Variants in DNAH12 observed in about 807,000 individuals in gnomAD.
DNAH12 encodes dynein axonemal heavy chain 12.
Under a neutral mutation model 371.5 loss-of-function variants are expected in DNAH12, and 285 were observed. That is an observed-to-expected ratio of 0.77 (90% CI 0.70 to 0.85). The LOEUF (loss-of-function observed/expected upper bound fraction) is 0.85, where lower values mean the gene tolerates loss of function less well. DNAH12 is among the 40% of genes least tolerant of loss of function. The probability of loss-of-function intolerance (pLI) is 0.00; values close to 1 mark genes in which losing one functional copy is unlikely to be tolerated. For missense variants in DNAH12, 3,611 were observed against 3,689.4 expected (o/e 0.98, Z 0.55); for synonymous variants, 1,200 against 1,213.0 (o/e 0.99, Z 0.22).
At chr3:57,445,465 T>C (rs1395834036) in intron 27 of DNAH12, 46 bp from the exon 28 acceptor site, 3 of 1,409,212 alleles carry the variant, frequency 2.1e-6, no homozygotes, top group African/African-American at 1.5e-5. Flanking sequence ...TAAATGAAGC[T>C]GTTTTTAAGC....
At chr3:57,360,778 G>A (rs1373742641) in intron 58 of DNAH12, among the ~76,000 whole-genome samples, 1 of 152,150 alleles carries the variant, frequency 6.6e-6, no homozygotes. Context: ...AGTAATTAGT[G>A]CAATCTCTGT....
chr3:57,523,724 TCAGTTATATTGAGA>T, intron 3 of DNAH12, 65 bp downstream of exon 3: 1 of 1,331,830 alleles, frequency 7.5e-7, no homozygotes, highest in Non-Finnish European at 1.0e-6. Context: ...TTTAAAAACA[TCAGTTATATTGAGA>T]TTGTCTTAAC....
chr3:57,391,867 C>T lies in DNAH12; in HGVS notation c.7305+5G>A, dbSNP rs2153347294. The T allele has an allele frequency of 6.5e-6, 1 of 153,030 alleles. No homozygotes were observed. The highest frequency in any genetic ancestry group is 2.1e-4 in the South Asian group (1 of 4,854). 9.5% of individuals were successfully genotyped at this position (153,030 alleles called of 1,614,324 possible). On this transcript the variant is annotated splice_donor_5th_base_variant and intron_variant, in intron 45 of 73. Transcript: ENST00000495027. Reference sequence around the variant, plus strand: ...CTCCCCCTCCAACCAAGAAAAATTACAAACCTGAAACCAGTCAATGGTACA... The same window carrying T: ...CTCCCCCTCCAACCAAGAAAAATTATAAACCTGAAACCAGTCAATGGTACA...
At chr3:57,480,743 T>C (rs1246247463) in intron 13 of DNAH12, among the ~76,000 whole-genome samples, 1 of 152,182 alleles carries the variant, frequency 6.6e-6, no homozygotes, top group Non-Finnish European at 1.5e-5. Context: ...GTTTCATCCC[T>C]AGGATGCAAG....
intron 18 of DNAH12, 100 bp downstream of exon 18, chr3:57,462,590 G>A (rs1007712152): frequency 1.5e-5 from 21 of 1,363,446 alleles, no homozygotes; most frequent in Admixed American, 8.0e-5. Context: ...ATCACCTCCC[G>A]CGCTATCCAG....
chr3:57,331,790 C>A (rs1228946255), intron 62 of DNAH12, among the ~76,000 whole-genome samples: 1 of 152,014 alleles, frequency 6.6e-6, no homozygotes, highest in Non-Finnish European at 1.5e-5. Flanking sequence ...TTCTATGAGG[C>A]CTTGTCTTCA....
intron 37 of DNAH12, among the ~76,000 whole-genome samples, chr3:57,417,766 T>C (rs1028017022): frequency 1.3e-5 from 2 of 152,178 alleles, no homozygotes; most frequent in African/African-American, 4.8e-5. Flanking sequence ...TGACAGATCT[T>C]GTTATTTAAT....
chr3:57,412,011 T>A (rs9853113), intron 39 of DNAH12, among the ~76,000 whole-genome samples: 83,523 of 151,996 alleles, frequency 0.55, 23,926 homozygotes, highest in African/African-American at 0.72. Flanking sequence ...AGAGCCCAGA[T>A]ATAGACCCAA....
chr3:57,309,677 T>G lies in DNAH12; in HGVS notation c.11074A>C (p.Ile3692Leu). The G allele has an allele frequency of 6.6e-7, 1 of 1,517,244 alleles. No individual in the cohort carries two copies. The highest frequency in any genetic ancestry group is 8.8e-7 in the Non-Finnish European group (1 of 1,135,048). 94.0% of individuals were successfully genotyped at this position (1,517,244 alleles called of 1,614,324 possible). A position where few individuals can be genotyped will look rare whatever the true frequency, so the allele number is the denominator to read the frequency against. Residue 3692 changes from isoleucine to leucine, a missense_variant, in exon 68 of 74, where the codon ATC (isoleucine) becomes CTC (leucine). Coordinates refer to ENST00000495027, the MANE Select transcript of DNAH12 (RefSeq NM_001366028.2). ...AAGCTGAACATTACCTTGTTGAGGA[T>G]ATCTTTGGTAATTTCTAACAGAATC... ...DQILLEITKDILNKLPSDFDI... is the reference protein window; with the variant it reads ...DQILLEITKDLLNKLPSDFDI...
chr3:57,475,906 A>G (rs2066508270), intron 13 of DNAH12, among the ~76,000 whole-genome samples: 1 of 152,234 alleles, frequency 6.6e-6, no homozygotes, highest in African/African-American at 2.4e-5. Flanking sequence ...CATATCTTAT[A>G]ACACCTGGAA....
At chr3:57,526,076 T>A (rs2068636946) in intron 2 of DNAH12, among the ~76,000 whole-genome samples, 1 of 152,084 alleles carries the variant, frequency 6.6e-6, no homozygotes, top group Admixed American at 6.6e-5. Context: ...TTTCTTTTTT[T>A]GTACCCATTA....
intron 19 of DNAH12, among the ~76,000 whole-genome samples, chr3:57,461,155 C>T (rs2066043028): frequency 6.6e-6 from 1 of 152,036 alleles, no homozygotes; most frequent in Non-Finnish European, 1.5e-5. Flanking sequence ...CTACAAGTTA[C>T]AAGAATGCAA....
intron 15 of DNAH12, 124 bp from the exon 16 acceptor site, chr3:57,470,760 G>A: frequency 1.2e-6 from 1 of 842,828 alleles, no homozygotes; most frequent in Non-Finnish European, 1.7e-6. Context: ...AGGCTGGAGT[G>A]CAGTGGCGTG....
rs2061646037 is a variant in DNAH12 at position 57,314,538 on chromosome 3, C to T, written c.10618G>A (p.Gly3540Arg). Residue 3540 changes from glycine (G) to arginine (R), a missense_variant, in exon 66 of 74, where the codon GGA becomes AGA. Around this residue, in one of 3 missense-constraint regions of DNAH12, gnomAD observed 2,266 missense variants for 2,236.9 expected, o/e 1.01. Transcript: ENST00000495027. ...ATGCGCAAGTCAGATTCATTAAATC[C>T]ATATGGAATATTCCAACCAAGAGGA... Reference protein sequence around the residue: ...FGPLGWNIPYGFNESDLRISI... With the variant: ...FGPLGWNIPYRFNESDLRISI... The T allele has an allele frequency of 6.4e-7, 1 of 1,551,036 alleles. No homozygotes were observed. The highest frequency in any genetic ancestry group is 8.7e-7 in the Non-Finnish European group (1 of 1,146,828).
At chr3:57,399,651 A>G (rs920738930) in intron 43 of DNAH12, among the ~76,000 whole-genome samples, 13 of 152,324 alleles carry the variant, frequency 8.5e-5, no homozygotes, top group African/African-American at 2.6e-4. Context: ...ACAGGTTTGA[A>G]CTATGTGAGT....
At position 57,450,250 on chromosome 3, in the gene DNAH12, T is replaced by TAAAAA. The variant is rs58958877; in HGVS notation, c.3786+2588_3786+2592dup. On this transcript the variant is annotated intron_variant, in intron 25 of 73. Transcript: ENST00000495027. ...GTGACAGAGTGAGACTGTCTCAATT[T>TAAAAA]AAAAAAAAAAAAAGGTGGCCCAGTG... 1.6e-3 allele frequency among the ~76,000 whole-genome samples: 160 copies of TAAAAA among 98,598 alleles called. 16 individuals carry two copies. The highest frequency in any genetic ancestry group is 2.0e-3 in the Non-Finnish European group (103 of 51,184). 64.7% of individuals were successfully genotyped at this position (98,598 alleles called of 152,430 possible). A position where few individuals can be genotyped will look rare whatever the true frequency, so the allele number is the denominator to read the frequency against.
intron 69 of DNAH12, among the ~76,000 whole-genome samples, chr3:57,305,638 G>A (rs2061453925): frequency 6.6e-6 from 1 of 152,008 alleles, no homozygotes; most frequent in African/African-American, 2.4e-5. Flanking sequence ...GACTCATTTG[G>A]CGGCAACCCT....
intron 65 of DNAH12, among the ~76,000 whole-genome samples, 167 bp from the exon 66 acceptor site, chr3:57,314,798 T>G (rs2061652554): frequency 1.3e-5 from 2 of 152,202 alleles, no homozygotes; most frequent in Admixed American, 1.3e-4. Flanking sequence ...CTATAAATAG[T>G]ATTCATCTTA....
chr3:57,433,692 T>C lies in DNAH12; in HGVS notation c.4792A>G (p.Ile1598Val), dbSNP rs1353155937. The C allele has an allele frequency of 1.9e-6, 3 of 1,550,924 alleles. No individual in the cohort carries two copies. The highest frequency in any genetic ancestry group is 2.6e-6 in the Non-Finnish European group (3 of 1,146,854). ...TGTCCAAAAAGTTGGCCCATAGTAA[T>C]AGATTTGGGGTTTACAGTTCTATAA... ...VIYRTVNPKSITMGQLFGQFD... is the reference protein window; with the variant it reads ...VIYRTVNPKSVTMGQLFGQFD... Residue 1598 changes from isoleucine (I) to valine (V), a missense_variant, in exon 31 of 74, where the codon ATT becomes GTT. Ile to Val is a conservative substitution (Grantham distance 29, BLOSUM62 3). Around this residue, in one of 3 missense-constraint regions of DNAH12, gnomAD observed 2,266 missense variants for 2,236.9 expected, o/e 1.01. Transcript: ENST00000495027.
Sources: gnomAD v4.1 joint callset for allele counts (sites outside exome capture counted in the v4.1 genomes callset) on GRCh38, gnomAD v4.1.1 for gene constraint, gnomAD v4.1.1 regional missense constraint, MANE v1.5 for transcripts, NCBI Gene and HGNC (gene_info 2026-07-23, HGNC 2026-07-21) for gene names.